SUMF2: variants seen among roughly 807,000 people sequenced by gnomAD.
The protein encoded by SUMF2 is inactive C-alpha-formylglycine-generating enzyme 2.
A neutral mutation model predicts 44.8 loss-of-function variants in SUMF2; 45 were observed. The observed-to-expected ratio is 1.00, with a 90% CI of 0.79 to 1.29. SUMF2 has a LOEUF of 1.29. Ranked by LOEUF, SUMF2 falls within the 50% of genes most tolerant of loss-of-function variation. The pLI is 0.00. For synonymous variants in SUMF2, 148 were observed against 150.4 expected (o/e 0.98, Z 0.12); for missense variants, 418 against 389.9 (o/e 1.07, Z -0.61).
downstream of SUMF2, chr7:56,084,097 G>C: frequency 9.9e-7 from 1 of 1,005,430 alleles, no homozygotes; most frequent in Non-Finnish European, 1.5e-6. Context: ...AGGATGGCTA[G>C]AAGTGACCAG....
chr7:56,079,477 A>G, intron 8 of SUMF2, 51 bp from the exon 9 acceptor site: 1 of 1,554,040 alleles, frequency 6.4e-7, no homozygotes, highest in South Asian at 1.2e-5. Context: ...GGTAAGCCCT[A>G]GGCCTTTTTC....
the SUMF2 span, chr7:56,086,751 A>C: frequency 3.5e-6 from 2 of 566,388 alleles, no homozygotes; most frequent in Non-Finnish European, 6.4e-6. Context: ...CTGATGAGAA[A>C]ACCAAGATTT....
At chr7:56,081,988 G>A (rs1315681709), downstream of SUMF2, 22 of 1,613,916 alleles carry the variant, frequency 1.4e-5, no homozygotes, top group East Asian at 2.2e-5. The surrounding 1 kb of genome is among the most constrained non-coding windows in gnomAD (Gnocchi z 4.6). Context: ...ATCTGCTTCC[G>A]GTGCCAGAAG....
In SUMF2 at chr7:56,064,288, A is replaced by ACGCGG. The variant is rs1794578256; in HGVS notation, c.-20_-16dup. 2 of 1,575,762 alleles carry ACGCGG rather than the reference A, an allele frequency of 1.3e-6. No individual in the cohort carries two copies. The highest frequency in any genetic ancestry group is 1.7e-6 in the Non-Finnish European group (2 of 1,160,992). On this transcript the variant is annotated 5_prime_UTR_variant, in exon 1 of 9. Coordinates refer to ENST00000434526, the MANE Select transcript of SUMF2 (RefSeq NM_015411.4). Reference sequence around the variant, plus strand: ...GCATGCGCAGCGGGGCCGTGGGTGTACGCGGCGCAGCGCGGCAGTCCTGAT... The same window carrying ACGCGG: ...GCATGCGCAGCGGGGCCGTGGGTGTACGCGGCGCGGCGCAGCGCGGCAGTCCTGAT...
downstream of SUMF2, chr7:56,082,271 A>G (rs769760173): frequency 3.7e-6 from 6 of 1,602,012 alleles, no homozygotes; most frequent in Middle Eastern, 1.6e-4. Context: ...AACAGTCATC[A>G]TCAGGGCAGG....
At chr7:56,066,180 G>T (rs1401859344) in intron 1 of SUMF2, among the ~76,000 whole-genome samples, 1 of 150,540 alleles carries the variant, frequency 6.6e-6, no homozygotes, top group African/African-American at 2.5e-5. Flanking sequence ...CAGAATAAGA[G>T]ATCCAAAGAT....
Position 56,079,740 on chromosome 7 carries a change from C to A in SUMF2, c.*128C>A. ...AAAGAACTTCCCCTTCCCTGTCTCC[C>A]ATCCCTCTGTGGCAGGCGCCTCTCA... On this transcript the variant is annotated 3_prime_UTR_variant, in exon 9 of 9. Coordinates refer to ENST00000434526, the MANE Select transcript of SUMF2 (RefSeq NM_015411.4). The A allele has an allele frequency of 6.3e-7, 1 of 1,581,924 alleles. No individual in the cohort carries two copies. Among genetic ancestry groups the A allele is most frequent in the Non-Finnish European group, 8.6e-7 (1 of 1,163,460 alleles).
chr7:56,086,976 A>C, the SUMF2 span: 2 of 1,612,920 alleles, frequency 1.2e-6, no homozygotes, highest in Admixed American at 3.3e-5. Flanking sequence ...TTACAGGTCA[A>C]ACACCAAGAA....
downstream of SUMF2, chr7:56,081,939 A>T (rs1173007645): frequency 1.2e-6 from 2 of 1,613,778 alleles, no homozygotes; most frequent in African/African-American, 2.7e-5. This position sits in a 1 kb window ranked among gnomAD's most constrained non-coding sequence, Gnocchi z 4.6. Context: ...GGGCGAGCCA[A>T]ACTGGTAGTT....
chr7:56,073,113 T>C lies in SUMF2; in HGVS notation c.339+2T>C, dbSNP rs1195577544. 6.2e-7 allele frequency: 1 copy of C among 1,611,840 alleles called. No homozygotes were observed. Among genetic ancestry groups the C allele is most frequent in the African/African-American group, 1.3e-5 (1 of 74,842 alleles). ...AACAAAGCCACCCAGCCAATGAAGGTGAGAGAACCTGGTCTTGCAGCTGAG... is the reference window on the plus strand; with the variant it reads ...AACAAAGCCACCCAGCCAATGAAGGCGAGAGAACCTGGTCTTGCAGCTGAG... On this transcript the variant is annotated splice_donor_variant, in intron 3 of 8. Transcript: ENST00000434526. LOFTEE classifies it high-confidence loss of function.
Position 56,078,183 on chromosome 7 carries a change from T to A in SUMF2, c.673T>A (p.Tyr225Asn). ...GAATGCTTTCCCCGCCCAGAACAACTACGGTAAGAGCTGTCTTGGGCTTGC... is the reference window on the plus strand; with the variant it reads ...GAATGCTTTCCCCGCCCAGAACAACAACGGTAAGAGCTGTCTTGGGCTTGC... ...PVNAFPAQNN[Y>N]GLYDLLGNVW... The change falls in exon 7 of 9, where the codon TAC becomes AAC. Residue 225 changes from tyrosine to asparagine, a missense_variant. Tyr to Asn is a moderately radical substitution (Grantham distance 143). Transcript: ENST00000434526. The A allele has an allele frequency of 6.2e-7, 1 of 1,611,016 alleles. No individual in the cohort carries two copies. The highest frequency in any genetic ancestry group is 1.1e-5 in the South Asian group (1 of 90,986).
At position 56,074,725 on chromosome 7, in the gene SUMF2, G is replaced by A. The variant is rs1389876739; in HGVS notation, c.524G>A (p.Gly175Glu). ...GAAGAGTGGGAGTTTGCCGCCCGAGGGGGCTTGAAGGGTATCCAGATGATA... is the reference window on the plus strand; with the variant it reads ...GAAGAGTGGGAGTTTGCCGCCCGAGAGGGCTTGAAGGGTATCCAGATGATA... ...TEEEWEFAAR[G>E]GLKGQVYPWG... The change falls in exon 5 of 9, where the codon GGG (glycine) becomes GAG (glutamate). Residue 175 changes from glycine (G) to glutamate (E), a missense_variant. Gly to Glu is a moderately conservative substitution (Grantham distance 98, BLOSUM62 -2). Transcript: ENST00000434526. 1.2e-6 allele frequency: 2 copies of A among 1,614,146 alleles called. No individual in the cohort carries two copies. Among genetic ancestry groups the A allele is most frequent in the South Asian group, 2.2e-5 (2 of 91,078 alleles).
At chr7:56,081,427 TC>T, downstream of SUMF2, 2 of 1,298,582 alleles carry the variant, frequency 1.5e-6, no homozygotes, top group Non-Finnish European at 2.1e-6. This position sits in a 1 kb window ranked among gnomAD's most constrained non-coding sequence, Gnocchi z 4.6. Context: ...CTTCCTAGTG[TC>T]CCCCACTTCC....
intron 1 of SUMF2, among the ~76,000 whole-genome samples, chr7:56,068,065 C>T (rs187018598): frequency 2.1e-5 from 3 of 139,910 alleles, no homozygotes; most frequent in Non-Finnish European, 4.5e-5. Context: ...GACAGAGTCT[C>T]GCTCTGTTGC....
intron 5 of SUMF2, among the ~76,000 whole-genome samples, chr7:56,076,374 C>G (rs1795550102): frequency 6.6e-6 from 1 of 151,952 alleles, no homozygotes; most frequent in East Asian, 1.9e-4. Context: ...GTTGGCCAGG[C>G]TGGTCTCGAA....
At chr7:56,073,760 C>T (rs567569561) in intron 3 of SUMF2, 50 of 201,404 alleles carry the variant, frequency 2.5e-4, no homozygotes, top group Non-Finnish European at 3.5e-4. Context: ...CCTGTAACCC[C>T]AGCACTTTGG....
At position 56,074,591 on chromosome 7, in the gene SUMF2, A is replaced by G. The variant is rs766798237; in HGVS notation, c.390A>G (p.Ala130=). 2 of 1,613,764 alleles carry G rather than the reference A, an allele frequency of 1.2e-6. No homozygotes were observed. The highest frequency in any genetic ancestry group is 1.7e-6 in the Non-Finnish European group (2 of 1,179,882). ...PVEKAFWRQP[A]GPGSGIRERL... ...CACTTAATCCTGGCTGTCAGCCTGC[A>G]GGTCCTGGCTCTGGCATCCGAGAGA... Residue 130 remains alanine (A), a synonymous_variant, in exon 5 of 9, where the codon GCA becomes GCG. Transcript: ENST00000434526.
intron 7 of SUMF2, 21 bp downstream of exon 7, chr7:56,078,207 G>T (rs180753898): frequency 1.2e-6 from 2 of 1,602,058 alleles, no homozygotes; most frequent in South Asian, 1.1e-5. Flanking sequence ...TCTTGGGCTT[G>T]CGGCTGTGCC....
chr7:56,068,005 G>A (rs1004432136), intron 1 of SUMF2, among the ~76,000 whole-genome samples: 6 of 146,514 alleles, frequency 4.1e-5, no homozygotes, highest in Non-Finnish European at 7.5e-5. Flanking sequence ...CAAACAAAAC[G>A]CAAAAGGAAT....
Sources: allele counts gnomAD v4.1 joint callset (sites outside exome capture counted in the v4.1 genomes callset), GRCh38; gene constraint gnomAD v4.1.1; non-coding constraint Gnocchi (gnomAD v3.1); transcripts MANE v1.5; gene names NCBI Gene and HGNC (gene_info 2026-07-23, HGNC 2026-07-21).